The following TBC1D10A variants were observed in gnomAD, a reference collection of about 807,000 sequenced individuals.
TBC1D10A encodes the protein TBC1 domain family member 10A, also known as EBP50-PDX interactor of 64 kDa.
Under a neutral mutation model 52.9 loss-of-function variants are expected in TBC1D10A, and 24 were observed. The ratio of observed to expected loss-of-function variants is 0.45; its 90% confidence interval spans 0.33 to 0.64. The LOEUF is 0.64. Ranked by LOEUF, TBC1D10A falls within the 30% of genes least tolerant of loss-of-function variation. The pLI, the probability that TBC1D10A is intolerant of heterozygous loss-of-function variation, is 0.02. For missense variants in TBC1D10A, 602 were observed against 687.9 expected (o/e 0.88, Z 1.40); for synonymous variants, 278 against 282.9 (o/e 0.98, Z 0.17).
intron 1 of TBC1D10A, among the ~76,000 whole-genome samples, chr22:30,308,202 G>A (rs545199090): frequency 4.6e-5 from 7 of 151,408 alleles, no homozygotes; most frequent in Admixed American, 4.6e-4. Context: ...AGGCCTGACT[G>A]ACTCTACAGC....
At chr22:30,306,154 C>CTTCTAGTT (rs1265420854) in intron 1 of TBC1D10A, among the ~76,000 whole-genome samples, 7 of 152,194 alleles carry the variant, frequency 4.6e-5, no homozygotes, top group Admixed American at 1.3e-4. Context: ...GAGGAACAGC[C>CTTCTAGTT]TTCTAGTTAA....
At chr22:30,317,843 C>A (rs1443262784) in intron 1 of TBC1D10A, among the ~76,000 whole-genome samples, 6 of 152,196 alleles carry the variant, frequency 3.9e-5, no homozygotes, top group African/African-American at 1.4e-4. Flanking sequence ...TCTGATTTCC[C>A]TGTGAGGGCA....
intron 1 of TBC1D10A, among the ~76,000 whole-genome samples, chr22:30,313,531 G>A (rs1930471744): frequency 6.8e-6 from 1 of 146,954 alleles, no homozygotes. Context: ...CTACAGGTGT[G>A]CGCCACCACG....
chr22:30,318,476 G>A (rs1002995932), intron 1 of TBC1D10A, among the ~76,000 whole-genome samples: 5 of 152,276 alleles, frequency 3.3e-5, no homozygotes, highest in Non-Finnish European at 4.4e-5. Context: ...TGATGTGCCC[G>A]GGGCAAGCCA....
Position 30,293,714 on chromosome 22 carries a change from C to A in TBC1D10A, c.987G>T (p.Glu329Asp). 1 of 1,613,502 alleles carries A rather than the reference C, an allele frequency of 6.2e-7. No individual in the cohort carries two copies. Among genetic ancestry groups the A allele is most frequent in the Non-Finnish European group, 8.5e-7 (1 of 1,179,778 alleles). ...TGAGGCTCCGCAGTCGCTCGATGGT[C>A]TCGTACTGGCCCTGGCAGGCTTTGA... ...EKVKACQGQYETIERLRSLSP... is the reference protein window; with the variant it reads ...EKVKACQGQYDTIERLRSLSP... The change falls in exon 8 of 9, where the codon GAG becomes GAT. Residue 329 changes from glutamate to aspartate, a missense_variant. By Grantham distance (45) the Glu-to-Asp change is conservative. Transcript: ENST00000215790.
Position 30,295,179 on chromosome 22 carries a change from G to T in TBC1D10A, c.525-124C>A, listed in dbSNP as rs543704337. 8.8e-6 allele frequency: 8 copies of T among 912,214 alleles called. No individual in the cohort carries two copies. In the South Asian group the frequency reaches 1.1e-4, roughly 12 times the overall value. 56.5% of individuals were successfully genotyped at this position (912,214 alleles called of 1,614,324 possible). A position where few individuals can be genotyped will look rare whatever the true frequency, so the allele number is the denominator to read the frequency against. On this transcript the variant is annotated intron_variant, in intron 4 of 8. Transcript: ENST00000215790. ...CCTCCCTTGAGAGGGAAGGTGATCT[G>T]CTTGTGGTCACCAAGGGGTCAGTCT...
In TBC1D10A at chr22:30,297,681, T is replaced by C. The variant is rs180678585; in HGVS notation, c.417+1763A>G. ...CAAGGAAGGAGGAAGAAATAGCACGTGCAGGAGAAGGAGCCACCAGCACCT... is the reference window on the plus strand; with the variant it reads ...CAAGGAAGGAGGAAGAAATAGCACGCGCAGGAGAAGGAGCCACCAGCACCT... On this transcript the variant is annotated intron_variant, in intron 3 of 8. Coordinates refer to ENST00000215790, the MANE Select transcript of TBC1D10A (RefSeq NM_031937.3). This position sits in a 1 kb window ranked among gnomAD's most constrained non-coding sequence, Gnocchi z 4.3. 1 of 152,288 alleles carries C rather than the reference T, an allele frequency of 6.6e-6. No individual in the cohort carries two copies. The highest frequency in any genetic ancestry group is 6.5e-5 in the Admixed American group (1 of 15,280). The allele number at this position is 152,288 out of a possible 1,614,324, so 9.4% of individuals were successfully genotyped here.
intron 1 of TBC1D10A, among the ~76,000 whole-genome samples, chr22:30,316,750 C>T (rs1485908914): frequency 6.6e-6 from 1 of 152,154 alleles, no homozygotes; most frequent in Non-Finnish European, 1.5e-5. Flanking sequence ...ACTAAAGCTG[C>T]CTTAGTTGGC....
chr22:30,303,149 C>T (rs755541120), intron 2 of TBC1D10A, among the ~76,000 whole-genome samples: 3 of 152,134 alleles, frequency 2.0e-5, no homozygotes, highest in Non-Finnish European at 4.4e-5. Context: ...CGTGTGGTGA[C>T]GTGCCTGTGG....
chr22:30,312,395 G>A (rs1052468434), intron 1 of TBC1D10A, among the ~76,000 whole-genome samples: 5 of 152,124 alleles, frequency 3.3e-5, no homozygotes, highest in South Asian at 2.1e-4. Flanking sequence ...TACGGCACAC[G>A]CCCTGTCATC....
intron 1 of TBC1D10A, among the ~76,000 whole-genome samples, chr22:30,312,217 G>A (rs1930440176): frequency 1.3e-5 from 2 of 152,130 alleles, no homozygotes; most frequent in Admixed American, 6.5e-5. Context: ...AGGCACCCAG[G>A]GGCCACCCTG....
intron 1 of TBC1D10A, among the ~76,000 whole-genome samples, chr22:30,325,011 T>G (rs5749062): frequency 0.2 from 30,721 of 152,212 alleles, 3,367 homozygotes; most frequent in Middle Eastern, 0.35. Context: ...TGGGAACTCC[T>G]TTCCTAGATC....
Position 30,308,308 on chromosome 22 carries a change from C to CTGCA in TBC1D10A, c.210-3679_210-3678insTGCA, listed in dbSNP as rs1230781993. Among the ~76,000 whole-genome samples the CTGCA allele has an allele frequency of 2.1e-4, 17 of 81,734 alleles. 1 individual carries two copies. The highest frequency in any genetic ancestry group is 3.2e-4 in the South Asian group (1 of 3,126). The allele number at this position is 81,734 out of a possible 152,430, so 53.6% of individuals were successfully genotyped here. On this transcript the variant is annotated intron_variant, in intron 1 of 8. Coordinates refer to ENST00000215790, the MANE Select transcript of TBC1D10A (RefSeq NM_031937.3). ...CATGCCTGCATGCCTGCATGCCTGC[C>CTGCA]TGCCTGCATGCCTGCATGCCTGCAT...
chr22:30,324,460 G>A (rs1270974560), intron 1 of TBC1D10A, among the ~76,000 whole-genome samples: 1 of 152,152 alleles, frequency 6.6e-6, no homozygotes, highest in East Asian at 1.9e-4. Flanking sequence ...CTCAGCCCCA[G>A]CCCTACAGAC....
At chr22:30,313,962 C>G (rs1343890528) in intron 1 of TBC1D10A, among the ~76,000 whole-genome samples, 1 of 152,118 alleles carries the variant, frequency 6.6e-6, no homozygotes, top group African/African-American at 2.4e-5. Flanking sequence ...ATTCAATTAA[C>G]TTAACTGAAT....
chr22:30,315,507 T>C (rs1297068576), intron 1 of TBC1D10A, among the ~76,000 whole-genome samples: 1 of 152,142 alleles, frequency 6.6e-6, no homozygotes, highest in African/African-American at 2.4e-5. Flanking sequence ...AAGTGATCTG[T>C]CCACCTTGGC....
intron 2 of TBC1D10A, among the ~76,000 whole-genome samples, chr22:30,302,435 G>A (rs188655440): frequency 6.6e-6 from 1 of 152,328 alleles, no homozygotes; most frequent in Non-Finnish European, 1.5e-5. Flanking sequence ...CGGAAAGGAA[G>A]GCACCCTCCC....
At chr22:30,294,681 G>T in intron 6 of TBC1D10A, 115 bp downstream of exon 6, 1 of 1,378,268 alleles carries the variant, frequency 7.3e-7, no homozygotes, top group Non-Finnish European at 1.0e-6. Context: ...CAGCCTCAAG[G>T]CAACAGAAGG....
At chr22:30,320,955 G>A (rs5753064) in intron 1 of TBC1D10A, among the ~76,000 whole-genome samples, 3 of 152,182 alleles carry the variant, frequency 2.0e-5, no homozygotes, top group Admixed American at 6.5e-5. Flanking sequence ...TGCCCACCTC[G>A]ATATAAACAG....
Sources: allele counts gnomAD v4.1 joint callset (sites outside exome capture counted in the v4.1 genomes callset), GRCh38; gene constraint gnomAD v4.1.1; non-coding constraint Gnocchi (gnomAD v3.1); transcripts MANE v1.5; gene names NCBI Gene and HGNC (gene_info 2026-07-23, HGNC 2026-07-21).